KCNMA1: variants seen among roughly 807,000 people sequenced by gnomAD.
The protein encoded by KCNMA1 is potassium calcium-activated channel subfamily M alpha 1.
A neutral mutation model predicts 140.0 loss-of-function variants in KCNMA1; 29 were observed. That is an observed-to-expected ratio of 0.21 (90% CI 0.15 to 0.28). The LOEUF is 0.28. KCNMA1 is among the 10% of genes least tolerant of loss of function. The pLI is 1.00. For synonymous variants in KCNMA1, 612 were observed against 611.9 expected, an observed-to-expected ratio of 1.00 and a Z score of 0.00; for missense variants, 880 against 1,602.2, an observed-to-expected ratio of 0.55 and a Z score of 7.70.
intron 1 of KCNMA1, among the ~76,000 whole-genome samples, chr10:77,479,880 T>C (rs1215776707): frequency 2.6e-5 from 4 of 152,230 alleles, no homozygotes; most frequent in South Asian, 2.1e-4. Flanking sequence ...CTTCCCTCAA[T>C]TGGACTGTTA....
intron 5 of KCNMA1, chr10:77,150,009 T>A (rs990512972): frequency 1.2e-4 from 18 of 152,142 alleles, no homozygotes; most frequent in African/African-American, 4.1e-4. Context: ...ATCTCACAGA[T>A]AAGAAAAACT....
chr10:77,506,838 AGAGT>A lies in KCNMA1; in HGVS notation c.379-102819_379-102816del, dbSNP rs764164148. Among the ~76,000 whole-genome samples the A allele has an allele frequency of 6.1e-3, 757 of 123,806 alleles. 20 individuals are homozygous for A. The East Asian group carries it at 0.062, about 10-fold the overall frequency. 81.2% of individuals were successfully genotyped at this position (123,806 alleles called of 152,430 possible). A position where few individuals can be genotyped will look rare whatever the true frequency, so the allele number is the denominator to read the frequency against. On this transcript the variant is annotated intron_variant, in intron 1 of 27. Transcript: ENST00000286628. ...GAGAGAGAGAAAGAGAGAGAGAGAG[AGAGT>A]GTGTGTGTGTGTGTGTGTGTGTGTG...
chr10:76,886,424 C>T lies in KCNMA1; in HGVS notation c.*842G>A. ...ACATATGGCTTTTCATCCCAAATGT[C>T]AAAAGTGAAAGAAAAAAAATAGCTA... On this transcript the variant is annotated 3_prime_UTR_variant, in exon 28 of 28. Transcript: ENST00000286628. The T allele has an allele frequency of 1.0e-6, 1 of 984,846 alleles. No homozygotes were observed. Among genetic ancestry groups the T allele is most frequent in the African/African-American group, 1.7e-5 (1 of 57,186 alleles). 61.0% of individuals were successfully genotyped at this position (984,846 alleles called of 1,614,324 possible). A position where few individuals can be genotyped will look rare whatever the true frequency, so the allele number is the denominator to read the frequency against.
intron 14 of KCNMA1, chr10:77,064,040 G>A (rs770273845): frequency 6.6e-5 from 65 of 985,166 alleles, no homozygotes; most frequent in Non-Finnish European, 7.6e-5. Context: ...CATCCTCGCT[G>A]GGCACCGGAC....
intron 14 of KCNMA1, among the ~76,000 whole-genome samples, chr10:77,061,639 G>C (rs2153670317): frequency 6.6e-6 from 1 of 152,250 alleles, no homozygotes; most frequent in South Asian, 2.1e-4. Flanking sequence ...CTATAATCCA[G>C]CAATCCTAAT....
At chr10:77,086,651 CA>C in intron 10 of KCNMA1, 58 bp from the exon 11 acceptor site, 1 of 1,197,578 alleles carries the variant, frequency 8.4e-7, no homozygotes, top group Non-Finnish European at 1.2e-6. Flanking sequence ...TTTCAGCCTC[CA>C]TGGGCTCCTT....
At chr10:77,298,831 T>C (rs1217646889) in intron 2 of KCNMA1, among the ~76,000 whole-genome samples, 4 of 152,158 alleles carry the variant, frequency 2.6e-5, no homozygotes, top group African/African-American at 7.2e-5. Context: ...CTGGCTCCCA[T>C]TGTGTGCAGG....
intron 9 of KCNMA1, among the ~76,000 whole-genome samples, chr10:77,096,965 T>C (rs1464876830): frequency 6.6e-6 from 1 of 152,128 alleles, no homozygotes; most frequent in Non-Finnish European, 1.5e-5. Context: ...AGCAGCACTG[T>C]ATCATACAGG....
intron 1 of KCNMA1, among the ~76,000 whole-genome samples, chr10:77,521,053 T>C (rs1056475589): frequency 3.3e-5 from 5 of 152,252 alleles, no homozygotes; most frequent in Non-Finnish European, 1.5e-5. Context: ...GAGCAACTGC[T>C]ACGACGTGTC....
chr10:77,224,616 C>T (rs1052388769), intron 3 of KCNMA1, among the ~76,000 whole-genome samples: 24 of 152,168 alleles, frequency 1.6e-4, no homozygotes, highest in African/African-American at 5.8e-4. Flanking sequence ...GGCAGCTCTT[C>T]CTTACCCTGC....
chr10:77,102,572 A>G (rs1312399286), intron 9 of KCNMA1, among the ~76,000 whole-genome samples: 1 of 152,204 alleles, frequency 6.6e-6, no homozygotes, highest in African/African-American at 2.4e-5. Context: ...AGTTTTTAAG[A>G]CTTCCTCTAG....
chr10:77,379,431 A>C (rs1028090402), intron 2 of KCNMA1, among the ~76,000 whole-genome samples: 52 of 152,048 alleles, frequency 3.4e-4, no homozygotes, highest in African/African-American at 1.3e-3. Flanking sequence ...TAATGGGTAC[A>C]GACAGAAGAG....
intron 1 of KCNMA1, among the ~76,000 whole-genome samples, chr10:77,415,679 A>T (rs1235060994): frequency 6.6e-6 from 1 of 152,236 alleles, no homozygotes; most frequent in Non-Finnish European, 1.5e-5. Context: ...CCTGTAGACC[A>T]GGAGGAGGAT....
chr10:77,217,191 C>A (rs1598985382), intron 3 of KCNMA1, among the ~76,000 whole-genome samples: 2 of 151,612 alleles, frequency 1.3e-5, no homozygotes, highest in South Asian at 4.2e-4. Flanking sequence ...TGTGGTCCCA[C>A]CTACTCGGGA....
intron 2 of KCNMA1, among the ~76,000 whole-genome samples, chr10:77,357,487 T>A (rs949054859): frequency 1.7e-4 from 26 of 152,362 alleles, no homozygotes; most frequent in Middle Eastern, 3.4e-3. Flanking sequence ...TTCAAAACCT[T>A]GTCTTGTATA....
chr10:77,548,402 G>A (rs2061953001), intron 1 of KCNMA1, among the ~76,000 whole-genome samples: 1 of 152,154 alleles, frequency 6.6e-6, no homozygotes, highest in African/African-American at 2.4e-5. Context: ...CTTAGCTCAG[G>A]GGCAGACAGA....
chr10:77,463,634 A>G (rs2097920090), intron 1 of KCNMA1, among the ~76,000 whole-genome samples: 1 of 152,182 alleles, frequency 6.6e-6, no homozygotes, highest in Non-Finnish European at 1.5e-5. Context: ...AGGCACTCAA[A>G]TCTCCATGGA....
At chr10:76,965,431 C>G (rs1182507751) in intron 20 of KCNMA1, among the ~76,000 whole-genome samples, 1 of 152,140 alleles carries the variant, frequency 6.6e-6, no homozygotes, top group African/African-American at 2.4e-5. Flanking sequence ...TCAGAAATCT[C>G]CTGATGGAGG....
chr10:77,145,979 C>T lies in KCNMA1; in HGVS notation c.809-24931G>A, dbSNP rs574798847. Among the ~76,000 whole-genome samples, 156 of 152,236 alleles carry T rather than the reference C, an allele frequency of 1.0e-3. 1 individual carries two copies. Among genetic ancestry groups the T allele is most frequent in the Admixed American group, 3.0e-3 (46 of 15,298 alleles). On this transcript the variant is annotated intron_variant, in intron 5 of 27. Coordinates refer to ENST00000286628, the MANE Select transcript of KCNMA1 (RefSeq NM_001161352.2). The stretch of plus-strand genomic sequence containing the variant: ...GTGAGGAATGAATTAATATCTATAA[C>T]GGTTAAAATTGTCCTTGGCACATAG...
Sources: gnomAD v4.1 joint callset for allele counts (sites outside exome capture counted in the v4.1 genomes callset) on GRCh38, gnomAD v4.1.1 for gene constraint, MANE v1.5 for transcripts, NCBI Gene and HGNC (gene_info 2026-07-23, HGNC 2026-07-21) for gene names.